The following KLRG2 variants were observed in gnomAD, a reference collection of about 807,000 sequenced individuals.
The protein encoded by KLRG2 is killer cell lectin like receptor G2.
In KLRG2, 39 loss-of-function variants were observed where a neutral mutation model predicts 35.4. The observed-to-expected ratio is 1.10, with a 90% CI of 0.85 to 1.44. The LOEUF is 1.44. Ranked by LOEUF, KLRG2 falls within the 40% of genes most tolerant of loss-of-function variation. KLRG2 has a pLI of 0.00. For synonymous variants in KLRG2, 283 were observed against 265.8 expected, an observed-to-expected ratio of 1.06 and a Z score of -0.63; for missense variants, 632 against 570.9, an observed-to-expected ratio of 1.11 and a Z score of -1.09.
At chr7:139,466,080 C>T (rs1796648728) in intron 3 of KLRG2, among the ~76,000 whole-genome samples, 1 of 152,154 alleles carries the variant, frequency 6.6e-6, no homozygotes, top group Non-Finnish European at 1.5e-5. Context: ...AAAAATCTAT[C>T]CTCAAAAAAA....
chr7:139,445,793 G>GTATGTATATATATATGTATATATATA, the KLRG2 span, among the ~76,000 whole-genome samples: 1 of 95,580 alleles, frequency 1.0e-5, no homozygotes, highest in South Asian at 2.7e-4. Flanking sequence ...ATATATATAT[G>GTATGTATATATATATGTATATATATA]TGTGTATATA....
chr7:139,483,672 A>G lies in KLRG2; in HGVS notation c.-30T>C. Reference sequence around the variant, plus strand: ...CGCGCCCCGCCACCCGGAGACGCTGAGGAGCGCACCTGGGCCCAGTGCAGA... The same window carrying G: ...CGCGCCCCGCCACCCGGAGACGCTGGGGAGCGCACCTGGGCCCAGTGCAGA... On this transcript the variant is annotated 5_prime_UTR_variant, in exon 1 of 5. Coordinates refer to ENST00000340940, the MANE Select transcript of KLRG2 (RefSeq NM_198508.4). The G allele has an allele frequency of 6.8e-7, 1 of 1,466,494 alleles. No individual in the cohort carries two copies. The highest frequency in any genetic ancestry group is 9.0e-7 in the Non-Finnish European group (1 of 1,115,538). The allele number at this position is 1,466,494 out of a possible 1,614,324, so 90.8% of individuals were successfully genotyped here.
At chr7:139,461,432 C>T (rs1796564942) in intron 3 of KLRG2, among the ~76,000 whole-genome samples, 1 of 152,182 alleles carries the variant, frequency 6.6e-6, no homozygotes, top group South Asian at 2.1e-4. Context: ...GAATCGTTAT[C>T]TTCACATCAC....
At chr7:139,474,423 A>C (rs1172127793) in intron 3 of KLRG2, among the ~76,000 whole-genome samples, 1 of 152,154 alleles carries the variant, frequency 6.6e-6, no homozygotes, top group Non-Finnish European at 1.5e-5. Flanking sequence ...CCCAGATGTG[A>C]TATTATGATA....
chr7:139,453,832 A>G (rs948660331), intron 4 of KLRG2, 125 bp from the exon 5 acceptor site: 26 of 1,140,694 alleles, frequency 2.3e-5, no homozygotes, highest in Non-Finnish European at 3.3e-5. Flanking sequence ...GAGTCACTGC[A>G]CTGGTCAGCC....
chr7:139,471,668 A>G (rs1338293740), intron 3 of KLRG2, among the ~76,000 whole-genome samples: 1 of 152,156 alleles, frequency 6.6e-6, no homozygotes, highest in Non-Finnish European at 1.5e-5. Flanking sequence ...CTCAAAAAAA[A>G]AAAAGAATTC....
the KLRG2 span, among the ~76,000 whole-genome samples, chr7:139,433,125 G>T: frequency 6.6e-6 from 1 of 152,054 alleles, no homozygotes; most frequent in African/African-American, 2.4e-5. Flanking sequence ...CTGTTTCTTG[G>T]CTTGCCAACT....
intron 3 of KLRG2, among the ~76,000 whole-genome samples, chr7:139,468,118 G>GT: frequency 6.6e-6 from 1 of 152,240 alleles, no homozygotes; most frequent in East Asian, 1.9e-4. Flanking sequence ...TTGTTCACGT[G>GT]TTTATCTGCT....
chr7:139,474,438 T>A (rs955222217), intron 3 of KLRG2, among the ~76,000 whole-genome samples: 4 of 152,202 alleles, frequency 2.6e-5, no homozygotes, highest in African/African-American at 9.6e-5. Context: ...ATGATATCTA[T>A]GTCTCTATCT....
the KLRG2 span, among the ~76,000 whole-genome samples, chr7:139,430,076 AAGG>A: frequency 6.6e-6 from 1 of 152,222 alleles, no homozygotes; most frequent in Non-Finnish European, 1.5e-5. Context: ...GAGCACATAA[AAGG>A]AGAATCACCA....
intron 3 of KLRG2, among the ~76,000 whole-genome samples, chr7:139,477,903 C>T (rs959291749): frequency 5.3e-5 from 8 of 151,912 alleles, no homozygotes; most frequent in South Asian, 2.1e-4. Context: ...GGACTACAGG[C>T]GCCCGCCACC....
chr7:139,460,281 G>A (rs1328389145), intron 3 of KLRG2, among the ~76,000 whole-genome samples: 3 of 152,214 alleles, frequency 2.0e-5, no homozygotes, highest in Non-Finnish European at 4.4e-5. Context: ...CGTTGTTGGT[G>A]GCTCCAATGT....
At position 139,483,128 on chromosome 7, in the gene KLRG2, A is replaced by T. The variant is rs1585180897; in HGVS notation, c.515T>A (p.Leu172Gln). 6 of 1,483,246 alleles carry T rather than the reference A, an allele frequency of 4.0e-6. 1 individual carries two copies. The Admixed American group carries it at 1.4e-4, about 35-fold the overall frequency. The allele number at this position is 1,483,246 out of a possible 1,614,324, so 91.9% of individuals were successfully genotyped here. The change falls in exon 1 of 5, where the codon CTG becomes CAG. Residue 172 changes from leucine (L) to glutamine (Q), a missense_variant. Coordinates refer to ENST00000340940, the MANE Select transcript of KLRG2 (RefSeq NM_198508.4). The stretch of plus-strand genomic sequence containing the variant: ...GCCGCCCTGGGATGGTGCGCGCAGC[A>T]GGAGCTGGTGCGCCGGGTCCGCGTG... The part of the protein sequence containing the change: ...SRHADPAHQL[L>Q]LRAPSQGGTW...
At chr7:139,457,020 C>G (rs1295807622) in intron 3 of KLRG2, among the ~76,000 whole-genome samples, 2 of 152,218 alleles carry the variant, frequency 1.3e-5, no homozygotes, top group African/African-American at 4.8e-5. Flanking sequence ...TCTTCTGCCC[C>G]TCAAGGTTAG....
chr7:139,470,123 T>C (rs1424034434), intron 3 of KLRG2, among the ~76,000 whole-genome samples: 1 of 151,784 alleles, frequency 6.6e-6, no homozygotes, highest in Non-Finnish European at 1.5e-5. Context: ...AGTGGTGTGA[T>C]CTTGGCTCAC....
the KLRG2 span, among the ~76,000 whole-genome samples, chr7:139,428,817 G>A: frequency 6.6e-6 from 1 of 152,014 alleles, no homozygotes; most frequent in Non-Finnish European, 1.5e-5. Flanking sequence ...ATTCTTAGGA[G>A]ATAAGTGCTA....
At chr7:139,469,452 G>A (rs1354674509) in intron 3 of KLRG2, among the ~76,000 whole-genome samples, 1 of 151,932 alleles carries the variant, frequency 6.6e-6, no homozygotes, top group Non-Finnish European at 1.5e-5. Context: ...GAGCCACCAC[G>A]CCCAGCCTAC....
chr7:139,432,346 C>CT, the KLRG2 span, among the ~76,000 whole-genome samples: 1 of 151,690 alleles, frequency 6.6e-6, no homozygotes, highest in East Asian at 1.9e-4. Flanking sequence ...GAGAGGGACT[C>CT]TGTCTTTGAA....
intron 1 of KLRG2, among the ~76,000 whole-genome samples, chr7:139,482,080 A>G (rs1424703621): frequency 6.6e-6 from 1 of 152,056 alleles, no homozygotes; most frequent in Non-Finnish European, 1.5e-5. Flanking sequence ...CCCCCACACC[A>G]CAAAATAACC....
Sources: gnomAD v4.1 joint callset for allele counts (sites outside exome capture counted in the v4.1 genomes callset) on GRCh38, gnomAD v4.1.1 for gene constraint, MANE v1.5 for transcripts, NCBI Gene and HGNC (gene_info 2026-07-23, HGNC 2026-07-21) for gene names.